The following DMD variants were observed in gnomAD, a reference collection of about 807,000 sequenced individuals.
DMD encodes the protein dystrophin, also known as mutant dystrophin.
In DMD, 63 loss-of-function variants were observed where a neutral mutation model predicts 330.1. The observed-to-expected ratio is 0.19, with a 90% confidence interval of 0.16 to 0.24. The LOEUF (loss-of-function observed/expected upper bound fraction) is 0.24. DMD is among the 10% of genes least tolerant of loss of function. The pLI is 1.00. For synonymous variants in DMD, 1,223 were observed against 959.8 expected (o/e 1.27, Z -5.07); for missense variants, 3,344 against 2,684.1 (o/e 1.25, Z -5.43).
At chrX:32,398,549 ATT>A (rs1287412113) in intron 30 of DMD, among the ~76,000 whole-genome samples, 17 of 111,037 alleles carry the variant, frequency 1.5e-4, no homozygotes, top group African/African-American at 4.6e-4. Flanking sequence ...AAGCATATAA[ATT>A]TTTCTGCGTA....
intron 52 of DMD, among the ~76,000 whole-genome samples, chrX:31,698,663 GAA>G (rs1460556548): frequency 8.9e-6 from 1 of 112,326 alleles, no homozygotes; most frequent in Non-Finnish European, 1.9e-5. Flanking sequence ...CAAAGAGGAA[GAA>G]ACATATATGC....
At chrX:32,926,752 C>CA (rs745877756) in intron 2 of DMD, among the ~76,000 whole-genome samples, 1,560 of 41,322 alleles carry the variant, frequency 0.038, 24 homozygotes, top group African/African-American at 0.09. Flanking sequence ...ACTCCATCTC[C>CA]AAAAAAAAAA....
chrX:32,356,800 C>T (rs946049813), intron 37 of DMD, among the ~76,000 whole-genome samples: 6 of 112,005 alleles, frequency 5.4e-5, no homozygotes, highest in African/African-American at 1.9e-4. Context: ...TAATATGACA[C>T]ACCTAAAGTT....
chrX:31,980,270 G>A (rs1441126071), intron 44 of DMD, among the ~76,000 whole-genome samples: 1 of 111,463 alleles, frequency 9.0e-6, no homozygotes, highest in Non-Finnish European at 1.9e-5. Context: ...ATTCATAACA[G>A]CCAAAAACTG....
chrX:31,989,859 G>A (rs1233713166), intron 44 of DMD, among the ~76,000 whole-genome samples: 2 of 110,948 alleles, frequency 1.8e-5, no homozygotes, highest in East Asian at 5.7e-4. Context: ...TTTGTTACAA[G>A]GGTATACTGC....
rs1350886527 is a variant in DMD, at chrX:32,681,509, C to T, written c.960+16361G>A. On this transcript the variant is annotated intron_variant, in intron 9 of 78. Transcript: ENST00000357033. ...ATTCATAGTAAGAGAAGGAAGATGA[C>T]GTAAAACTGTGCTGCAGCAGGGTTT... 1.8e-5 allele frequency among the ~76,000 whole-genome samples: 2 copies of T among 111,572 alleles called. 1 individual carries two copies. Among genetic ancestry groups the T allele is most frequent in the Middle Eastern group, 8.4e-3 (2 of 239 alleles).
chrX:33,051,345 G>A (rs1489619708), intron 1 of DMD, among the ~76,000 whole-genome samples: 1 of 107,615 alleles, frequency 9.3e-6, no homozygotes. Context: ...CTAAGTAGCT[G>A]GGATTAGAGG....
intron 1 of DMD, among the ~76,000 whole-genome samples, chrX:33,064,316 T>C (rs1288829878): frequency 9.0e-6 from 1 of 111,449 alleles, no homozygotes; most frequent in Admixed American, 9.6e-5. Context: ...TTTTCTATTA[T>C]TGCGGCAACT....
At chrX:32,961,551 C>T (rs1489902901) in intron 2 of DMD, among the ~76,000 whole-genome samples, 1 of 111,531 alleles carries the variant, frequency 9.0e-6, no homozygotes, top group East Asian at 2.8e-4. Context: ...TAATCCCACT[C>T]AACAAAATTA....
intron 7 of DMD, among the ~76,000 whole-genome samples, chrX:32,789,520 C>A (rs886511494): frequency 4.5e-5 from 5 of 112,089 alleles, no homozygotes; most frequent in Admixed American, 2.8e-4. Context: ...ATACTAGTTT[C>A]AATCCCAGTG....
intron 7 of DMD, among the ~76,000 whole-genome samples, chrX:32,794,089 G>A (rs1250191654): frequency 9.0e-6 from 1 of 111,413 alleles, no homozygotes; most frequent in East Asian, 2.8e-4. Context: ...CAATAAATAT[G>A]ACATATTACA....
At chrX:33,036,696 G>A (rs746391931) in intron 1 of DMD, among the ~76,000 whole-genome samples, 2 of 110,786 alleles carry the variant, frequency 1.8e-5, no homozygotes, top group Admixed American at 9.7e-5. Flanking sequence ...GGTCTATAAC[G>A]TTGCATTGTA....
chrX:32,559,057 T>A (rs767403067), intron 16 of DMD, among the ~76,000 whole-genome samples: 1 of 103,560 alleles, frequency 9.7e-6, no homozygotes, highest in East Asian at 3.3e-4. Flanking sequence ...TTCAAGCAAT[T>A]CTCCTGCCTC....
At chrX:32,664,408 A>T (rs2061165646) in intron 9 of DMD, among the ~76,000 whole-genome samples, 1 of 108,944 alleles carries the variant, frequency 9.2e-6, no homozygotes, top group Non-Finnish European at 1.9e-5. Flanking sequence ...CGGCCGGCAA[A>T]TTTTTTGTAT....
intron 62 of DMD, among the ~76,000 whole-genome samples, chrX:31,280,952 A>C (rs765971739): frequency 8.9e-6 from 1 of 112,149 alleles, no homozygotes; most frequent in Admixed American, 9.5e-5. Context: ...CGATTACAAA[A>C]GTTTCTTTAA....
intron 1 of DMD, among the ~76,000 whole-genome samples, chrX:33,196,150 T>C (rs59519508): frequency 0.025 from 2,819 of 111,738 alleles, 84 homozygotes; most frequent in African/African-American, 0.087. Context: ...TTAATAGTCA[T>C]TGGTGGAAGA....
chrX:32,398,952 C>G lies in DMD; in HGVS notation c.4234-8771G>C, dbSNP rs768505336. On this transcript the variant is annotated intron_variant, in intron 30 of 78. Transcript: ENST00000357033. ...AGATAAATCCATACATCTACAGGGACCTAATTTTTGACAAAGTGCCAAGAA... is the reference window on the plus strand; with the variant it reads ...AGATAAATCCATACATCTACAGGGAGCTAATTTTTGACAAAGTGCCAAGAA... Among the ~76,000 whole-genome samples the G allele has an allele frequency of 8.1e-4, 90 of 111,415 alleles. 1 individual carries two copies. The highest frequency in any genetic ancestry group is 2.8e-3 in the African/African-American group (87 of 30,706).
intron 55 of DMD, among the ~76,000 whole-genome samples, chrX:31,527,424 C>T (rs2073329708): frequency 8.9e-6 from 1 of 111,809 alleles, no homozygotes; most frequent in East Asian, 2.8e-4. Flanking sequence ...AGATAAAATA[C>T]AAGGCACCCA....
intron 44 of DMD, among the ~76,000 whole-genome samples, chrX:32,159,334 G>A (rs902987759): frequency 4.5e-5 from 5 of 111,783 alleles, no homozygotes; most frequent in Non-Finnish European, 7.5e-5. Flanking sequence ...GATAAGCAGT[G>A]GTGCCAAGGG....
Sources: allele counts gnomAD v4.1 joint callset (sites outside exome capture counted in the v4.1 genomes callset), GRCh38; gene constraint gnomAD v4.1.1; transcripts MANE v1.5; gene names NCBI Gene and HGNC (gene_info 2026-07-23, HGNC 2026-07-21).